PTPRG: variants seen among roughly 807,000 people sequenced by gnomAD.
PTPRG encodes protein tyrosine phosphatase receptor type G.
Under a neutral mutation model 165.3 loss-of-function variants are expected in PTPRG, and 102 were observed. That is an observed-to-expected ratio of 0.62 (90% confidence interval 0.53 to 0.73). The LOEUF is 0.73. PTPRG is among the 30% of genes least tolerant of loss of function. PTPRG has a pLI of 0.00. For missense variants in PTPRG, 1,866 were observed against 1,861.4 expected (o/e 1.00, Z -0.05); for synonymous variants, 675 against 669.5 (o/e 1.01, Z -0.13).
chr3:61,664,822 T>C (rs1702762006), intron 1 of PTPRG, among the ~76,000 whole-genome samples: 1 of 152,054 alleles, frequency 6.6e-6, no homozygotes. Context: ...CAGAGCCAGA[T>C]CCTGTTTCAA....
chr3:62,245,085 G>A lies in PTPRG; in HGVS notation c.2467+1187G>A, dbSNP rs1701260647. ...TAGTCAGCTTTTCTCACTAAAACTT[G>A]CCACACAGAAACAAGAAGATTAACA... On this transcript the variant is annotated intron_variant, in intron 15 of 29. Coordinates refer to ENST00000474889, the MANE Select transcript of PTPRG (RefSeq NM_002841.4). This position sits in a 1 kb window ranked among gnomAD's most constrained non-coding sequence, Gnocchi z 4.2. Among the ~76,000 whole-genome samples the A allele has an allele frequency of 1.3e-5, 2 of 152,116 alleles. No individual in the cohort carries two copies. The highest frequency in any genetic ancestry group is 4.8e-5 in the African/African-American group (2 of 41,426).
chr3:61,802,775 A>G (rs1388244953), intron 2 of PTPRG, among the ~76,000 whole-genome samples: 2 of 152,140 alleles, frequency 1.3e-5, no homozygotes, highest in Non-Finnish European at 2.9e-5. Context: ...GCACATGGCC[A>G]TTATGAGAAG....
At position 62,294,279 on chromosome 3, in the gene PTPRG, T is replaced by TAAAAACTACCTACATAGTTAC. The variant is rs1702993606; in HGVS notation, c.*973_*993dup. The stretch of plus-strand genomic sequence containing the variant: ...CCCTATTACTCCTATAGCAATCTAA[T>TAAAAACTACCTACATAGTTAC]AAAAACTACCTACATAGTTACTGTT... On this transcript the variant is annotated 3_prime_UTR_variant, in exon 30 of 30. Coordinates refer to ENST00000474889, the MANE Select transcript of PTPRG (RefSeq NM_002841.4). 6.6e-6 allele frequency: 1 copy of TAAAAACTACCTACATAGTTAC among 152,128 alleles called. No individual in the cohort carries two copies. Among genetic ancestry groups the TAAAAACTACCTACATAGTTAC allele is most frequent in the Non-Finnish European group, 1.5e-5 (1 of 68,008 alleles). 9.4% of individuals were successfully genotyped at this position (152,128 alleles called of 1,614,324 possible). A position where few individuals can be genotyped will look rare whatever the true frequency, so the allele number is the denominator to read the frequency against.
At chr3:61,856,158 A>C (rs1276727958) in intron 2 of PTPRG, among the ~76,000 whole-genome samples, 1 of 151,864 alleles carries the variant, frequency 6.6e-6, no homozygotes, top group Non-Finnish European at 1.5e-5. Flanking sequence ...AATACACATA[A>C]CATAAAATTT....
chr3:62,293,032 A>G, intron 29 of PTPRG, 129 bp from the exon 30 acceptor site: 11 of 753,534 alleles, frequency 1.5e-5, no homozygotes, highest in Non-Finnish European at 2.0e-5. Context: ...TAGTTTTTTT[A>G]GATAACATTT....
chr3:62,046,616 T>C (rs930782948), intron 4 of PTPRG, among the ~76,000 whole-genome samples: 1 of 152,204 alleles, frequency 6.6e-6, no homozygotes, highest in South Asian at 2.1e-4. Flanking sequence ...CTTTCTTTCC[T>C]GCATTTAGTC....
rs74808196 is a variant in PTPRG at position 62,009,202 on chromosome 3, A to G, written c.519+5705A>G. 6.9e-3 allele frequency among the ~76,000 whole-genome samples: 1,055 copies of G among 152,278 alleles called. 18 individuals are homozygous for G. The highest frequency in any genetic ancestry group is 0.024 in the African/African-American group (1,007 of 41,562). On this transcript the variant is annotated intron_variant, in intron 4 of 29. Coordinates refer to ENST00000474889, the MANE Select transcript of PTPRG (RefSeq NM_002841.4). The stretch of plus-strand genomic sequence containing the variant: ...GTCTCATGCCTATTGAGTGACTTCA[A>G]TGTCTTATGTCTAAAGAGCACTGCT...
chr3:61,926,860 GTGTTCATAGTGTTAGGAGGTTGAAATTAA>G (rs2039226227), intron 2 of PTPRG, among the ~76,000 whole-genome samples: 1 of 151,750 alleles, frequency 6.6e-6, no homozygotes, highest in Non-Finnish European at 1.5e-5. Flanking sequence ...AGTTCTGACA[GTGTTCATAGTGTTAGGAGGTTGAAATTAA>G]AACAAAAACG....
chr3:62,086,165 A>G (rs1460105531), intron 5 of PTPRG, among the ~76,000 whole-genome samples: 4 of 152,104 alleles, frequency 2.6e-5, no homozygotes, highest in Non-Finnish European at 4.4e-5. Context: ...AGTATAATTC[A>G]TTCCTTTTAT....
rs770487356 is a variant in PTPRG, at chr3:61,606,196, C to T, written c.85+43824C>T. On this transcript the variant is annotated intron_variant, in intron 1 of 29. Transcript: ENST00000474889. ...TGATCTCATCGGAGGCTCATTCTCT[C>T]CCAGGCTTGCTGGTTGTTAGCAGAA... Among the ~76,000 whole-genome samples, 3 of 152,298 alleles carry T rather than the reference C, an allele frequency of 2.0e-5. No individual in the cohort carries two copies. In the East Asian group the frequency reaches 5.8e-4, roughly 29 times the overall value.
chr3:61,590,378 A>G (rs1700539089), intron 1 of PTPRG, among the ~76,000 whole-genome samples: 2 of 152,112 alleles, frequency 1.3e-5, no homozygotes, highest in African/African-American at 4.8e-5. Flanking sequence ...TATAAAAATT[A>G]GCTGGCGTAG....
At chr3:61,957,646 C>T (rs912416537) in intron 2 of PTPRG, among the ~76,000 whole-genome samples, 2 of 152,180 alleles carry the variant, frequency 1.3e-5, no homozygotes, top group African/African-American at 4.8e-5. Flanking sequence ...CTGCTGGTGT[C>T]ATTTAGTAGC....
intron 2 of PTPRG, among the ~76,000 whole-genome samples, chr3:61,803,165 A>G (rs2035299478): frequency 6.6e-6 from 1 of 152,230 alleles, no homozygotes; most frequent in Admixed American, 6.5e-5. Flanking sequence ...TCTGTGAGCC[A>G]TCAATGCCAG....
intron 2 of PTPRG, among the ~76,000 whole-genome samples, chr3:61,923,692 A>ATTTTTTTTTTT (rs71123241): frequency 1.2e-4 from 12 of 100,874 alleles, no homozygotes; most frequent in African/African-American, 2.8e-4. Context: ...TATTTTTTGT[A>ATTTTTTTTTTT]TTTTTTTTTT....
At chr3:62,072,675 A>G (rs768347890) in intron 4 of PTPRG, among the ~76,000 whole-genome samples, 1 of 151,706 alleles carries the variant, frequency 6.6e-6, no homozygotes, top group Non-Finnish European at 1.5e-5. Flanking sequence ...AGTATCTGCT[A>G]TCTCATGGAA....
chr3:61,833,670 C>T (rs1186716061), intron 2 of PTPRG, among the ~76,000 whole-genome samples: 1 of 152,110 alleles, frequency 6.6e-6, no homozygotes, highest in African/African-American at 2.4e-5. Flanking sequence ...TCAAGCAATT[C>T]TCGTGCCTCA....
intron 1 of PTPRG, among the ~76,000 whole-genome samples, chr3:61,625,960 A>G (rs1212618850): frequency 6.6e-6 from 1 of 151,548 alleles, no homozygotes; most frequent in African/African-American, 2.4e-5. Context: ...AGCAAAGCAG[A>G]GTCATTTATG....
At chr3:61,752,392 C>T (rs1402533915) in intron 2 of PTPRG, among the ~76,000 whole-genome samples, 3 of 151,930 alleles carry the variant, frequency 2.0e-5, no homozygotes, top group Non-Finnish European at 4.4e-5. Flanking sequence ...GTGACAGAGA[C>T]CTAGAATGTT....
Position 61,892,107 on chromosome 3 carries a change from G to A in PTPRG, c.191-97518G>A, listed in dbSNP as rs541581347. Among the ~76,000 whole-genome samples, 10 of 152,282 alleles carry A rather than the reference G, an allele frequency of 6.6e-5. No individual in the cohort carries two copies. The South Asian group carries it at 1.9e-3, about 28-fold the overall frequency. On this transcript the variant is annotated intron_variant, in intron 2 of 29. Coordinates refer to ENST00000474889, the MANE Select transcript of PTPRG (RefSeq NM_002841.4). ...ATGGCTCTGTGAAGTAGTTAATACTGTTATCTCCATTTTACAGATGGGAAA... is the reference window on the plus strand; with the variant it reads ...ATGGCTCTGTGAAGTAGTTAATACTATTATCTCCATTTTACAGATGGGAAA...
Sources: allele counts gnomAD v4.1 joint callset (sites outside exome capture counted in the v4.1 genomes callset), GRCh38; gene constraint gnomAD v4.1.1; non-coding constraint Gnocchi (gnomAD v3.1); transcripts MANE v1.5; gene names NCBI Gene and HGNC (gene_info 2026-07-23, HGNC 2026-07-21).